The following ERBIN variants were observed in gnomAD, a reference collection of about 807,000 sequenced individuals.
ERBIN encodes the protein densin-180-like protein.
ERBIN carries 60 observed loss-of-function variants against 158.4 expected under a neutral mutation model. The ratio of observed to expected loss-of-function variants is 0.38; its 90% CI spans 0.31 to 0.47. The LOEUF (loss-of-function observed/expected upper bound fraction) is 0.47. ERBIN is among the 20% of genes least tolerant of loss of function. The pLI is 0.99. For missense variants in ERBIN, 1,610 were observed against 1,648.0 expected (o/e 0.98, Z 0.40); for synonymous variants, 594 against 557.2 (o/e 1.07, Z -0.93).
At chr5:66,042,539 C>G (rs2151201073) in intron 15 of ERBIN, among the ~76,000 whole-genome samples, 1 of 152,088 alleles carries the variant, frequency 6.6e-6, no homozygotes. Context: ...TGACACAATG[C>G]TCAAAGGAAA....
intron 1 of ERBIN, among the ~76,000 whole-genome samples, chr5:65,930,983 GTGATAGTGTGGAAGA>G: frequency 1.3e-5 from 2 of 152,072 alleles, no homozygotes; most frequent in African/African-American, 4.8e-5. Flanking sequence ...CAGGCTTTAA[GTGATAGTGTGGAAGA>G]CGATAGAAAA....
chr5:66,022,891 C>T (rs1189686662), intron 8 of ERBIN: 1 of 153,842 alleles, frequency 6.5e-6, no homozygotes, highest in East Asian at 1.9e-4. Flanking sequence ...TTTCTGTTTT[C>T]TAAAAGCTGT....
chr5:65,990,823 C>T (rs952803462), intron 2 of ERBIN, among the ~76,000 whole-genome samples: 3 of 151,288 alleles, frequency 2.0e-5, no homozygotes, highest in Non-Finnish European at 2.9e-5. Flanking sequence ...TGCAGTGGCA[C>T]AATCACGGCT....
intron 1 of ERBIN, among the ~76,000 whole-genome samples, chr5:65,929,675 C>A (rs979284941): frequency 7.5e-6 from 1 of 132,622 alleles, no homozygotes. Flanking sequence ...GAGTCTTGCT[C>A]TGTTGCCTAG....
At chr5:66,071,687 C>T (rs1761543265) in intron 21 of ERBIN, among the ~76,000 whole-genome samples, 1 of 150,874 alleles carries the variant, frequency 6.6e-6, no homozygotes, top group African/African-American at 2.4e-5. Context: ...AAAAAAATCC[C>T]ATGGGGTACT....
At chr5:65,938,766 T>C (rs975781837) in intron 1 of ERBIN, among the ~76,000 whole-genome samples, 1 of 152,126 alleles carries the variant, frequency 6.6e-6, no homozygotes, top group African/African-American at 2.4e-5. Flanking sequence ...TTGGCCAGGC[T>C]GATCTCGAAC....
intron 1 of ERBIN, among the ~76,000 whole-genome samples, chr5:65,929,757 C>T (rs1743138734): frequency 6.6e-6 from 1 of 151,354 alleles, no homozygotes; most frequent in African/African-American, 2.4e-5. Context: ...TCTCCTGCTT[C>T]AGCCTCCCAA....
chr5:66,065,614 T>C, intron 21 of ERBIN, among the ~76,000 whole-genome samples: 1 of 90,876 alleles, frequency 1.1e-5, no homozygotes, highest in Non-Finnish European at 1.9e-5. Flanking sequence ...TGTGTGTGTG[T>C]GTGTGTGTGT....
intron 1 of ERBIN, among the ~76,000 whole-genome samples, chr5:65,987,914 C>G (rs1751443536): frequency 6.6e-6 from 1 of 151,326 alleles, no homozygotes; most frequent in Non-Finnish European, 1.5e-5. Context: ...CCACATAGAA[C>G]TATGAAAAAT....
Position 66,075,159 on chromosome 5 carries a change from G to A in ERBIN, c.3892G>A (p.Val1298Met), listed in dbSNP as rs772989373. 2 of 1,614,140 alleles carry A rather than the reference G, an allele frequency of 1.2e-6. No individual in the cohort carries two copies. Among genetic ancestry groups the A allele is most frequent in the Admixed American group, 3.3e-5 (2 of 60,022 alleles). The change falls in exon 23 of 26, where the codon GTG becomes ATG. Residue 1298 changes from valine to methionine, a missense_variant. By Grantham distance (21) the Val-to-Met change is conservative. Coordinates refer to ENST00000284037, the MANE Select transcript of ERBIN (RefSeq NM_001253697.2). ...EQLIDYLMLK[V>M]AHQPPYTQPH... ...ACTAATTGATTACTTGATGCTGAAA[G>A]TGGCCCACCAGCCTCCATATACACA...
intron 25 of ERBIN, among the ~76,000 whole-genome samples, chr5:66,077,635 A>T (rs1762110024): frequency 6.6e-6 from 1 of 152,128 alleles, no homozygotes; most frequent in Non-Finnish European, 1.5e-5. Flanking sequence ...GCTTAGAAAA[A>T]AGCCACAAAA....
chr5:66,056,850 C>G (rs1459275432), intron 21 of ERBIN, among the ~76,000 whole-genome samples: 1 of 152,118 alleles, frequency 6.6e-6, no homozygotes, highest in Admixed American at 6.6e-5. Flanking sequence ...ACTGTAGTAT[C>G]TTCTAGCTCA....
intron 14 of ERBIN, among the ~76,000 whole-genome samples, chr5:66,032,567 G>A (rs961335890): frequency 1.3e-5 from 2 of 152,124 alleles, no homozygotes; most frequent in African/African-American, 2.4e-5. Flanking sequence ...TAGATAATAC[G>A]GAAACCAGTG....
chr5:66,029,562 G>A (rs1300771734), intron 14 of ERBIN, among the ~76,000 whole-genome samples: 3 of 151,898 alleles, frequency 2.0e-5, no homozygotes, highest in Admixed American at 2.0e-4. Flanking sequence ...GTTCTGTTCT[G>A]TTCTGTTCTG....
intron 7 of ERBIN, among the ~76,000 whole-genome samples, chr5:66,018,261 G>T (rs1272524437): frequency 6.7e-6 from 1 of 149,308 alleles, no homozygotes; most frequent in East Asian, 2.0e-4. Flanking sequence ...CATTGCTTTG[G>T]ATAGTATTGT....
chr5:66,009,489 A>AATAAT (rs1753978199), intron 4 of ERBIN, among the ~76,000 whole-genome samples: 5 of 152,232 alleles, frequency 3.3e-5, no homozygotes, highest in Admixed American at 2.6e-4. Context: ...AAAACCTAGC[A>AATAAT]ATAATACAAA....
chr5:66,051,091 T>C, intron 20 of ERBIN, 125 bp downstream of exon 20: 1 of 567,420 alleles, frequency 1.8e-6, no homozygotes, highest in South Asian at 3.0e-5. Flanking sequence ...ATATGTTTTA[T>C]TTCCCCATTT....
At chr5:66,000,645 A>AT in intron 4 of ERBIN, among the ~76,000 whole-genome samples, 1 of 152,164 alleles carries the variant, frequency 6.6e-6, no homozygotes, top group Non-Finnish European at 1.5e-5. Flanking sequence ...TAAAAATTAA[A>AT]TTGGTCTGTT....
intron 18 of ERBIN, among the ~76,000 whole-genome samples, chr5:66,047,020 A>G (rs1004382619): frequency 6.6e-6 from 1 of 152,128 alleles, no homozygotes; most frequent in African/African-American, 2.4e-5. Flanking sequence ...TATTCAATTC[A>G]GTGGCCTTTA....
Sources: allele counts gnomAD v4.1 joint callset (sites outside exome capture counted in the v4.1 genomes callset), GRCh38; gene constraint gnomAD v4.1.1; transcripts MANE v1.5; gene names NCBI Gene and HGNC (gene_info 2026-07-23, HGNC 2026-07-21).